Variants in ARK2N observed in about 807,000 individuals in gnomAD.
ARK2N encodes protein ARK2N.
the ARK2N span, among the ~76,000 whole-genome samples, chr18:46,188,952 C>T: frequency 2.6e-5 from 4 of 152,174 alleles, no homozygotes; most frequent in Admixed American, 6.5e-5. Flanking sequence ...GGGTGGCTCA[C>T]GCCTGTAATC....
At chr18:46,248,943 C>G in the ARK2N span, among the ~76,000 whole-genome samples, 2 of 152,148 alleles carry the variant, frequency 1.3e-5, no homozygotes, top group African/African-American at 4.8e-5. Context: ...GACCAATCCC[C>G]CATCCCTTTA....
chr18:46,203,752 A>T, the ARK2N span, among the ~76,000 whole-genome samples: 1 of 152,010 alleles, frequency 6.6e-6, no homozygotes, highest in African/African-American at 2.4e-5. Context: ...ATGCCCAGCT[A>T]ATTTTTGTAT....
chr18:46,242,129 G>A, the ARK2N span, among the ~76,000 whole-genome samples: 1,044 of 152,160 alleles, frequency 6.9e-3, 8 homozygotes, highest in African/African-American at 0.023. Flanking sequence ...TATATTAGAT[G>A]GTTTATCTTT....
the ARK2N span, among the ~76,000 whole-genome samples, chr18:46,194,721 G>T: frequency 1.3e-5 from 2 of 150,782 alleles, no homozygotes; most frequent in Non-Finnish European, 3.0e-5. Flanking sequence ...TGATCCACCA[G>T]CCTTGGCCTC....
the ARK2N span, among the ~76,000 whole-genome samples, chr18:46,226,671 G>A: frequency 6.6e-6 from 1 of 152,156 alleles, no homozygotes; most frequent in African/African-American, 2.4e-5. Flanking sequence ...ATTGGTAAAT[G>A]CTGGCATTTT....
the ARK2N span, among the ~76,000 whole-genome samples, chr18:46,213,509 A>G: frequency 5.3e-5 from 8 of 152,058 alleles, no homozygotes; most frequent in Non-Finnish European, 1.0e-4. Flanking sequence ...TGCTTTATTT[A>G]TAACGGTCTC....
the ARK2N span, among the ~76,000 whole-genome samples, chr18:46,233,335 T>C: frequency 1.3e-5 from 2 of 152,194 alleles, no homozygotes; most frequent in Non-Finnish European, 2.9e-5. Context: ...AATTTTGTGC[T>C]CTTTCTTGCT....
At chr18:46,178,321 TA>T in the ARK2N span, among the ~76,000 whole-genome samples, 37 of 152,204 alleles carry the variant, frequency 2.4e-4, no homozygotes, top group Non-Finnish European at 4.9e-4. Context: ...TTTATTTATT[TA>T]TTTTTTTTGA....
At chr18:46,188,402 T>C in the ARK2N span, among the ~76,000 whole-genome samples, 2 of 152,144 alleles carry the variant, frequency 1.3e-5, no homozygotes, top group Non-Finnish European at 2.9e-5. Context: ...GGTTTCACCA[T>C]GTTGGCCAGG....
the ARK2N span, chr18:46,253,699 C>T: frequency 6.2e-7 from 1 of 1,611,600 alleles, no homozygotes; most frequent in Non-Finnish European, 8.5e-7. Context: ...TCTCTCAGGT[C>T]ATTTGGATCC....
chr18:46,200,376 T>A, the ARK2N span, among the ~76,000 whole-genome samples: 1 of 152,166 alleles, frequency 6.6e-6, no homozygotes, highest in Admixed American at 6.5e-5. Flanking sequence ...GGCGCAATCT[T>A]GGCTCACTGC....
chr18:46,253,344 G>A, the ARK2N span, among the ~76,000 whole-genome samples: 1 of 152,084 alleles, frequency 6.6e-6, no homozygotes, highest in Non-Finnish European at 1.5e-5. Flanking sequence ...AATGCAAAAA[G>A]CATTACAGCA....
chr18:46,198,758 C>G, the ARK2N span, among the ~76,000 whole-genome samples: 1 of 152,086 alleles, frequency 6.6e-6, no homozygotes, highest in Non-Finnish European at 1.5e-5. Context: ...ACCATCACAC[C>G]TGGCTAATTT....
chr18:46,206,011 T>C, the ARK2N span, among the ~76,000 whole-genome samples: 1 of 152,024 alleles, frequency 6.6e-6, no homozygotes, highest in Non-Finnish European at 1.5e-5. Flanking sequence ...ATTACAGGCA[T>C]GAGCCACTGC....
chr18:46,186,649 C>T, the ARK2N span, among the ~76,000 whole-genome samples: 1 of 151,456 alleles, frequency 6.6e-6, no homozygotes, highest in Non-Finnish European at 1.5e-5. Context: ...AGACTACAGG[C>T]GCCCGCCACC....
the ARK2N span, among the ~76,000 whole-genome samples, chr18:46,203,189 A>C: frequency 6.6e-6 from 1 of 152,246 alleles, no homozygotes; most frequent in Non-Finnish European, 1.5e-5. Context: ...GACATGTATG[A>C]AACTTTTCAT....
chr18:46,213,122 C>T, the ARK2N span, among the ~76,000 whole-genome samples: 1 of 150,586 alleles, frequency 6.6e-6, no homozygotes, highest in Non-Finnish European at 1.5e-5. Context: ...CTGCTTCAGC[C>T]TCCTAAGTAG....
At chr18:46,196,851 T>C in the ARK2N span, among the ~76,000 whole-genome samples, 1 of 152,202 alleles carries the variant, frequency 6.6e-6, no homozygotes, top group East Asian at 1.9e-4. Context: ...CAAGATAGTA[T>C]TGGCTTTTAG....
chr18:46,208,905 T>C, the ARK2N span, among the ~76,000 whole-genome samples: 1 of 152,180 alleles, frequency 6.6e-6, no homozygotes, highest in Non-Finnish European at 1.5e-5. Context: ...AGGGGTAATA[T>C]TAGTATGTAA....
Sources: gnomAD v4.1 joint callset for allele counts (sites outside exome capture counted in the v4.1 genomes callset) on GRCh38, gnomAD v4.1.1 for gene constraint, MANE v1.5 for transcripts, NCBI Gene and HGNC (gene_info 2026-07-23, HGNC 2026-07-21) for gene names.